Variants in SLC45A1 observed in about 807,000 individuals in gnomAD.
SLC45A1 encodes the protein solute carrier family 45 member 1, also known as proton-associated sugar transporter A.
A neutral mutation model predicts 57.6 loss-of-function variants in SLC45A1; 28 were observed. The observed-to-expected ratio is 0.49, with a 90% CI of 0.36 to 0.67. SLC45A1 has a LOEUF of 0.67. Ranked by LOEUF, SLC45A1 falls within the 30% of genes least tolerant of loss-of-function variation. SLC45A1 has a pLI of 0.00. For synonymous variants in SLC45A1, 459 were observed against 471.5 expected, an observed-to-expected ratio of 0.97 and a Z score of 0.34; for missense variants, 814 against 1,041.5, an observed-to-expected ratio of 0.78 and a Z score of 3.01.
rs930632458 is a variant in SLC45A1 at position 8,326,652 on chromosome 1, TA to T, written c.715+616del. Among the ~76,000 whole-genome samples, 1 of 151,904 alleles carries T rather than the reference TA, an allele frequency of 6.6e-6. No homozygotes were observed. The highest frequency in any genetic ancestry group is 2.4e-5 in the African/African-American group (1 of 41,330). ...AACACCAACAAAAAACACAAAAATG[TA>T]AAAAAGGTGGCACTAAATAGACCAC... On this transcript the variant is annotated intron_variant, in intron 4 of 8. Transcript: ENST00000471889. This position sits in a 1 kb window ranked among gnomAD's most constrained non-coding sequence, Gnocchi z 5.5.
chr1:8,320,781 GTTC>G (rs1639989292), intron 1 of SLC45A1, among the ~76,000 whole-genome samples: 1 of 151,658 alleles, frequency 6.6e-6, no homozygotes, highest in African/African-American at 2.4e-5. Flanking sequence ...CTGGGCCACA[GTTC>G]TTCATTCCAA....
chr1:8,338,386 G>A (rs113888661), intron 7 of SLC45A1, among the ~76,000 whole-genome samples: 1 of 152,228 alleles, frequency 6.6e-6, no homozygotes, highest in South Asian at 2.1e-4. Context: ...TGGGGGCAGG[G>A]GTGTGTGGTC....
At chr1:8,331,028 G>A (rs1640390874) in intron 5 of SLC45A1, 92 bp downstream of exon 5, 9 of 1,454,296 alleles carry the variant, frequency 6.2e-6, no homozygotes, top group African/African-American at 2.8e-5. Context: ...AGTCCCTCCA[G>A]GAAGAAATTC....
At chr1:8,338,122 C>T (rs561328806) in intron 7 of SLC45A1, 130 bp downstream of exon 7, 6 of 845,992 alleles carry the variant, frequency 7.1e-6, no homozygotes, top group African/African-American at 6.8e-5. Flanking sequence ...ACGCCACTGT[C>T]TTTCCCGGCT....
At chr1:8,334,443 A>T (rs1384054114) in intron 5 of SLC45A1, among the ~76,000 whole-genome samples, 1 of 152,154 alleles carries the variant, frequency 6.6e-6, no homozygotes, top group African/African-American at 2.4e-5. Flanking sequence ...TCAAACATCT[A>T]AATTCAAAAA....
intron 7 of SLC45A1, among the ~76,000 whole-genome samples, chr1:8,338,931 CAGA>C (rs1640712725): frequency 6.6e-6 from 1 of 152,198 alleles, no homozygotes; most frequent in African/African-American, 2.4e-5. Context: ...AGAAATTTGT[CAGA>C]TCTCACTTGT....
Position 8,325,384 on chromosome 1 carries a change from G to A in SLC45A1, c.484G>A (p.Ala162Thr). 2 of 1,606,740 alleles carry A rather than the reference G, an allele frequency of 1.2e-6. No homozygotes were observed. The highest frequency in any genetic ancestry group is 1.3e-5 in the African/African-American group (1 of 74,678). ...GRRRPFILVL[A>T]IGALLGLSLL... The stretch of plus-strand genomic sequence containing the variant: ...GAGACGCCCTTTCATTCTTGTCCTG[G>A]CTATAGGTCTGTTGTTTTGGCATGG... Residue 162 changes from alanine (A) to threonine (T), a missense_variant, in exon 3 of 9, where the codon GCT (alanine) becomes ACT (threonine). By Grantham distance (58) the Ala-to-Thr change is moderately conservative. Transcript: ENST00000471889. This position sits in a 1 kb window ranked among gnomAD's most constrained non-coding sequence, Gnocchi z 6.3.
chr1:8,338,491 G>T (rs1640696510), intron 7 of SLC45A1, among the ~76,000 whole-genome samples: 1 of 152,266 alleles, frequency 6.6e-6, no homozygotes, highest in Non-Finnish European at 1.5e-5. Flanking sequence ...GTTCACACCA[G>T]GGCGAAGCCG....
chr1:8,333,911 G>A (rs1007220906), intron 5 of SLC45A1, among the ~76,000 whole-genome samples: 1 of 152,230 alleles, frequency 6.6e-6, no homozygotes, highest in African/African-American at 2.4e-5. Context: ...AGGACACAGC[G>A]AGCTCCCGTC....
chr1:8,332,668 C>T (rs1418604730), intron 5 of SLC45A1, among the ~76,000 whole-genome samples: 3 of 152,094 alleles, frequency 2.0e-5, no homozygotes, highest in East Asian at 3.9e-4. Context: ...CCCACCACCA[C>T]GCCCGGCTAA....
chr1:8,318,654 A>G (rs1215547130), intron 1 of SLC45A1, among the ~76,000 whole-genome samples: 1 of 152,218 alleles, frequency 6.6e-6, no homozygotes, highest in Non-Finnish European at 1.5e-5. Flanking sequence ...GCGAGTCAGC[A>G]CCAAGGGGAA....
At chr1:8,321,570 C>T (rs1407872442) in intron 1 of SLC45A1, among the ~76,000 whole-genome samples, 1 of 152,158 alleles carries the variant, frequency 6.6e-6, no homozygotes, top group Non-Finnish European at 1.5e-5. Context: ...AACTCAAGGA[C>T]AAGAACTGTG....
Position 8,330,104 on chromosome 1 carries a change from C to A in SLC45A1, c.716-105C>A. The stretch of plus-strand genomic sequence containing the variant: ...GTGGAACAGGTTCTGTGCCCACGTC[C>A]CTGGAATGGCCTTGGCTACCTTCAT... On this transcript the variant is annotated intron_variant, in intron 4 of 8. Transcript: ENST00000471889. This position sits in a 1 kb window ranked among gnomAD's most constrained non-coding sequence, Gnocchi z 8.4. 7.2e-7 allele frequency: 1 copy of A among 1,389,430 alleles called. No individual in the cohort carries two copies. The highest frequency in any genetic ancestry group is 9.9e-7 in the Non-Finnish European group (1 of 1,012,788). 86.1% of individuals were successfully genotyped at this position (1,389,430 alleles called of 1,614,324 possible).
chr1:8,339,564 C>G lies in SLC45A1; in HGVS notation c.1846C>G (p.Leu616Val), dbSNP rs927210134. 2 of 1,614,248 alleles carry G rather than the reference C, an allele frequency of 1.2e-6. No homozygotes were observed. The highest frequency in any genetic ancestry group is 3.3e-5 in the Admixed American group (2 of 60,028). The change falls in exon 8 of 9, where the codon CTG (leucine) becomes GTG (valine). Residue 616 changes from leucine (L) to valine (V), a missense_variant. Transcript: ENST00000471889. ...LYFIAYLAFG[L>V]GTGLATLSRN... Reference sequence around the variant, plus strand: ...CTTCATCGCCTATCTCGCCTTCGGCCTGGGGACCGGGCTTGCCACCCTCTC... The same window carrying G: ...CTTCATCGCCTATCTCGCCTTCGGCGTGGGGACCGGGCTTGCCACCCTCTC...
rs760526160 is a variant in SLC45A1, at chr1:8,324,481, A to AGAG, written c.158_160dup (p.Arg53dup). 1.2e-6 allele frequency: 2 copies of AGAG among 1,612,584 alleles called. No homozygotes were observed. Among genetic ancestry groups the AGAG allele is most frequent in the East Asian group, 4.5e-5 (2 of 44,838 alleles). Reference sequence around the variant, plus strand: ...GCCAACAACTTCAAACGACACCCCAAGAGGAGGAAGTGCATTCGTCCCTCC... The same window carrying AGAG: ...GCCAACAACTTCAAACGACACCCCAAGAGGAGGAGGAAGTGCATTCGTCCCTCC... On this transcript the variant is annotated inframe_insertion, in exon 2 of 9. Coordinates refer to ENST00000471889, the MANE Select transcript of SLC45A1 (RefSeq NM_001080397.3).
intron 1 of SLC45A1, among the ~76,000 whole-genome samples, chr1:8,323,047 C>T (rs953969745): frequency 2.0e-5 from 3 of 152,236 alleles, no homozygotes; most frequent in East Asian, 1.9e-4. Context: ...AAAAACAGTT[C>T]GACACTTTGG....
rs187699606 is a variant in SLC45A1 at position 8,331,844 on chromosome 1, G to A, written c.1443+908G>A. Among the ~76,000 whole-genome samples the A allele has an allele frequency of 3.6e-3, 549 of 150,570 alleles. 4 individuals are homozygous for A. The highest frequency in any genetic ancestry group is 3.7e-3 in the Non-Finnish European group (251 of 67,830). On this transcript the variant is annotated intron_variant, in intron 5 of 8. Transcript: ENST00000471889. ...GTCTCACTCTGTCGCCCAGGCTGGAGTGCAGTGGCGCCATCTTGGCTCACT... is the reference window on the plus strand; with the variant it reads ...GTCTCACTCTGTCGCCCAGGCTGGAATGCAGTGGCGCCATCTTGGCTCACT...
intron 4 of SLC45A1, among the ~76,000 whole-genome samples, chr1:8,329,746 C>A (rs571293408): frequency 1.3e-5 from 2 of 152,334 alleles, no homozygotes; most frequent in Admixed American, 6.5e-5. Context: ...GTGGTCACCA[C>A]AGGGGGCGGC....
Position 8,326,129 on chromosome 1 carries a change from A to T in SLC45A1, c.715+87A>T. 1 of 999,790 alleles carries T rather than the reference A, an allele frequency of 1.0e-6. No homozygotes were observed. Among genetic ancestry groups the T allele is most frequent in the Non-Finnish European group, 1.5e-6 (1 of 671,254 alleles). The allele number at this position is 999,790 out of a possible 1,614,324, so 61.9% of individuals were successfully genotyped here. A position where few individuals can be genotyped will look rare whatever the true frequency, so the allele number is the denominator to read the frequency against. ...TTTCGAGGCCCTTCCTCACTCCCTG[A>T]TTTAACAAAGAAGCTGGGAGAATTC... On this transcript the variant is annotated intron_variant, in intron 4 of 8. Coordinates refer to ENST00000471889, the MANE Select transcript of SLC45A1 (RefSeq NM_001080397.3). This position sits in a 1 kb window ranked among gnomAD's most constrained non-coding sequence, Gnocchi z 5.5.
Sources: allele counts gnomAD v4.1 joint callset (sites outside exome capture counted in the v4.1 genomes callset), GRCh38; gene constraint gnomAD v4.1.1; non-coding constraint Gnocchi (gnomAD v3.1); transcripts MANE v1.5; gene names NCBI Gene and HGNC (gene_info 2026-07-23, HGNC 2026-07-21).